Variants in STX4 observed in about 807,000 individuals in gnomAD.
STX4 encodes syntaxin-4.
Under a neutral mutation model 41.8 loss-of-function variants are expected in STX4, and 24 were observed. That is an observed-to-expected ratio of 0.57 (90% confidence interval 0.42 to 0.81). The LOEUF (loss-of-function observed/expected upper bound fraction) is 0.81, where lower values mean the gene tolerates loss of function less well. Ranked by LOEUF, STX4 falls within the 30% of genes least tolerant of loss-of-function variation. The pLI, the probability that STX4 is intolerant of heterozygous loss-of-function variation, is 0.00. For missense variants in STX4, 316 were observed against 389.9 expected, an observed-to-expected ratio of 0.81 and a Z score of 1.60; for synonymous variants, 158 against 156.4, an observed-to-expected ratio of 1.01 and a Z score of -0.08.
chr16:31,038,603 C>T lies in STX4; in HGVS notation c.658C>T (p.Leu220=), dbSNP rs150244231. 6.2e-6 allele frequency: 10 copies of T among 1,614,026 alleles called. No individual in the cohort carries two copies. The highest frequency in any genetic ancestry group is 3.3e-5 in the Admixed American group (2 of 59,988). The change falls in exon 8 of 11, where the codon CTG becomes TTG. Residue 220 remains leucine (L), a synonymous_variant. Transcript: ENST00000313843. ...GCAGCTTGAACGCAGTATTCGTGAGCTGCACGACATATTCACTTTTCTGGC... is the reference window on the plus strand; with the variant it reads ...GCAGCTTGAACGCAGTATTCGTGAGTTGCACGACATATTCACTTTTCTGGC... ...IQQLERSIRE[L]HDIFTFLATE... is the part of the protein sequence containing the mutation.
At position 31,034,001 on chromosome 16, in the gene STX4, CGGGCCTGGCAGG is replaced by C; in HGVS notation, c.31-8_34del. 1 of 1,578,332 alleles carries C rather than the reference CGGGCCTGGCAGG, an allele frequency of 6.3e-7. No homozygotes were observed. Among genetic ancestry groups the C allele is most frequent in the Non-Finnish European group, 8.6e-7 (1 of 1,159,434 alleles). Reference sequence around the variant, plus strand: ...AGCGAAACGGTGGTGCCAATGACTCCGGGCCTGGCAGGGGGATGACAGCTCGGACGAAGAGGA... The same window carrying C: ...AGCGAAACGGTGGTGCCAATGACTCCGGGATGACAGCTCGGACGAAGAGGA... On this transcript the variant is annotated splice_acceptor_variant and splice_polypyrimidine_tract_variant and coding_sequence_variant and intron_variant, in exon 2 of 11. Transcript: ENST00000313843. LOFTEE classifies it high-confidence loss of function.
Position 31,038,134 on chromosome 16 carries a change from G to A in STX4, c.508G>A (p.Asp170Asn). Residue 170 changes from aspartate to asparagine, a missense_variant, in exon 7 of 11, where the codon GAT (aspartate) becomes AAT (asparagine). Transcript: ENST00000313843. ...CACAGCCAATGCTGGGATGGTGTCTGATGAGGAGTTGGAGCAGATGCTGGA... is the reference window on the plus strand; with the variant it reads ...CACAGCCAATGCTGGGATGGTGTCTAATGAGGAGTTGGAGCAGATGCTGGA... ...LKITNAGMVS[D>N]EELEQMLDSG... 6.2e-7 allele frequency: 1 copy of A among 1,614,152 alleles called. No individual in the cohort carries two copies. Among genetic ancestry groups the A allele is most frequent in the Non-Finnish European group, 8.5e-7 (1 of 1,180,018 alleles).
Position 31,037,967 on chromosome 16 carries a change from G to A in STX4, c.420G>A (p.Lys140=). Residue 140 remains lysine, a synonymous_variant, in exon 6 of 11, where the codon AAG becomes AAA. Transcript: ENST00000313843. ...LSQQFVELIN[K]CNSMQSEYRE... The stretch of plus-strand genomic sequence containing the variant: ...AGCAATTCGTGGAGCTCATCAACAA[G>A]TGCAATTCAATGCAGTCCGAATACC... 1 of 1,614,188 alleles carries A rather than the reference G, an allele frequency of 6.2e-7. No individual in the cohort carries two copies. Among genetic ancestry groups the A allele is most frequent in the Non-Finnish European group, 8.5e-7 (1 of 1,180,026 alleles).
intron 5 of STX4, among the ~76,000 whole-genome samples, chr16:31,037,275 G>A (rs978578170): frequency 6.6e-6 from 1 of 151,236 alleles, no homozygotes; most frequent in Non-Finnish European, 1.5e-5. Context: ...CGTTGGCCAG[G>A]CTGGTCTTGA....
In STX4 at chr16:31,038,200, C is replaced by G. The variant is rs576799969; in HGVS notation, c.564+10C>G. ...GGTGTTTGTGTCCAATGTGAGTGGCCACAGCCAGCCCCTCTCTGCTGTGCC... is the reference window on the plus strand; with the variant it reads ...GGTGTTTGTGTCCAATGTGAGTGGCGACAGCCAGCCCCTCTCTGCTGTGCC... On this transcript the variant is annotated intron_variant, in intron 7 of 10. Transcript: ENST00000313843. The G allele has an allele frequency of 1.9e-6, 3 of 1,613,628 alleles. No homozygotes were observed. The African/African-American group carries it at 4.0e-5, about 22-fold the overall frequency.
At chr16:31,038,423 T>C in intron 7 of STX4, 87 bp from the exon 8 acceptor site, 1 of 1,568,864 alleles carries the variant, frequency 6.4e-7, no homozygotes, top group Non-Finnish European at 8.7e-7. Context: ...GATTCCAGGC[T>C]GAGGGCTCCC....
At position 31,039,470 on chromosome 16, in the gene STX4, T is replaced by A. The variant is rs2056827226; in HGVS notation, c.703-71T>A. On this transcript the variant is annotated intron_variant, in intron 8 of 10. Coordinates refer to ENST00000313843, the MANE Select transcript of STX4 (RefSeq NM_004604.5). This position sits in a 1 kb window ranked among gnomAD's most constrained non-coding sequence, Gnocchi z 4.1. ...CAATTTTTTTTTCCTGCCAGGAATG[T>A]TCTTCAGTCATCTGGGGTGGGGTGG... 6.6e-7 allele frequency: 1 copy of A among 1,504,644 alleles called. No individual in the cohort carries two copies. Among genetic ancestry groups the A allele is most frequent in the Non-Finnish European group, 9.1e-7 (1 of 1,093,910 alleles). The allele number at this position is 1,504,644 out of a possible 1,614,324, so 93.2% of individuals were successfully genotyped here.
In STX4 at chr16:31,038,036, T is replaced by G; in HGVS notation, c.487+2T>G. 6.2e-7 allele frequency: 1 copy of G among 1,614,176 alleles called. No individual in the cohort carries two copies. Among genetic ancestry groups the G allele is most frequent in the Non-Finnish European group, 8.5e-7 (1 of 1,180,014 alleles). On this transcript the variant is annotated splice_donor_variant, in intron 6 of 10. Transcript: ENST00000313843. LOFTEE classifies it high-confidence loss of function. ...GGATTCGGAGGCAGCTGAAGATCAG[T>G]GAGTTGTGCATGCCCAGCCTGGCCC... is the stretch of plus-strand genomic sequence containing the variant.
At chr16:31,034,692 C>A in intron 4 of STX4, 156 bp downstream of exon 4, 1 of 843,010 alleles carries the variant, frequency 1.2e-6, no homozygotes, top group Non-Finnish European at 1.8e-6. Context: ...GGCCATTGTA[C>A]TCTCCACAGC....
In STX4 at chr16:31,039,504, A is replaced by G; in HGVS notation, c.703-37A>G. The G allele has an allele frequency of 6.2e-7, 1 of 1,601,894 alleles. No homozygotes were observed. Among genetic ancestry groups the G allele is most frequent in the African/African-American group, 1.3e-5 (1 of 74,802 alleles). On this transcript the variant is annotated intron_variant, in intron 8 of 10. Transcript: ENST00000313843. The surrounding 1 kb of genome is among the most constrained non-coding windows in gnomAD (Gnocchi z 4.1). Reference sequence around the variant, plus strand: ...CATCTGGGGTGGGGTGGGCAAAGGCATCCTTACCTCCCTGAACCACCCCAT... The same window carrying G: ...CATCTGGGGTGGGGTGGGCAAAGGCGTCCTTACCTCCCTGAACCACCCCAT...
Position 31,039,332 on chromosome 16 carries a change from T to C in STX4, c.703-209T>C. 1.8e-6 allele frequency: 1 copy of C among 560,502 alleles called. No individual in the cohort carries two copies. Among genetic ancestry groups the C allele is most frequent in the South Asian group, 2.1e-5 (1 of 48,096 alleles). The allele number at this position is 560,502 out of a possible 1,614,324, so 34.7% of individuals were successfully genotyped here. On this transcript the variant is annotated intron_variant, in intron 8 of 10. Coordinates refer to ENST00000313843, the MANE Select transcript of STX4 (RefSeq NM_004604.5). This position sits in a 1 kb window ranked among gnomAD's most constrained non-coding sequence, Gnocchi z 4.1. ...AAGCTACCACTGCAGATAGAGGTTG[T>C]ATGGGATAAGTGAGCAGGGGACAAG...
At position 31,033,705 on chromosome 16, in the gene STX4, C is replaced by A; in HGVS notation, c.-101C>A. The A allele has an allele frequency of 7.0e-7, 1 of 1,437,280 alleles. No homozygotes were observed. Among genetic ancestry groups the A allele is most frequent in the Non-Finnish European group, 9.1e-7 (1 of 1,096,184 alleles). 89.0% of individuals were successfully genotyped at this position (1,437,280 alleles called of 1,614,324 possible). A position where few individuals can be genotyped will look rare whatever the true frequency, so the allele number is the denominator to read the frequency against. ...CGGCTCGTGGGGGTGTTGGGGTCCG[C>A]AGGGGGAGGGAGGGGAGTGTCAGAG... is the stretch of plus-strand genomic sequence containing the variant. On this transcript the variant is annotated 5_prime_UTR_variant, in exon 1 of 11. Coordinates refer to ENST00000313843, the MANE Select transcript of STX4 (RefSeq NM_004604.5). This position sits in a 1 kb window ranked among gnomAD's most constrained non-coding sequence, Gnocchi z 5.5.
In STX4 at chr16:31,037,963, A is replaced by G. The variant is rs1358538375; in HGVS notation, c.416A>G (p.Asn139Ser). The change falls in exon 6 of 11, where the codon AAC (asparagine) becomes AGC (serine). Residue 139 changes from asparagine (N) to serine (S), a missense_variant. Physicochemically the swap from Asn to Ser is conservative, Grantham distance 46 (BLOSUM62 1). Transcript: ENST00000313843. ...TCCCAGCAATTCGTGGAGCTCATCAACAAGTGCAATTCAATGCAGTCCGAA... is the reference window on the plus strand; with the variant it reads ...TCCCAGCAATTCGTGGAGCTCATCAGCAAGTGCAATTCAATGCAGTCCGAA... ...VLSQQFVELI[N>S]KCNSMQSEYR... 1.2e-6 allele frequency: 2 copies of G among 1,614,172 alleles called. No individual in the cohort carries two copies.
chr16:31,038,267 G>A, intron 7 of STX4, 77 bp downstream of exon 7: 2 of 1,565,360 alleles, frequency 1.3e-6, no homozygotes, highest in Non-Finnish European at 1.7e-6. Flanking sequence ...GACCTCCTGG[G>A]CTCAGGTGAT....
chr16:31,038,124 G>C lies in STX4; in HGVS notation c.498G>C (p.Gly166=). The change falls in exon 7 of 11, where the codon GGG becomes GGC. Residue 166 remains glycine, a synonymous_variant. Transcript: ENST00000313843. ...CCTTTTCCTTCACAGCCAATGCTGGGATGGTGTCTGATGAGGAGTTGGAGC... is the reference window on the plus strand; with the variant it reads ...CCTTTTCCTTCACAGCCAATGCTGGCATGGTGTCTGATGAGGAGTTGGAGC... ...IRRQLKITNA[G]MVSDEELEQM... 6.2e-7 allele frequency: 1 copy of C among 1,614,166 alleles called. No individual in the cohort carries two copies. Among genetic ancestry groups the C allele is most frequent in the East Asian group, 2.2e-5 (1 of 44,888 alleles).
upstream of STX4, chr16:31,033,505 A>T: frequency 6.4e-7 from 1 of 1,550,620 alleles, no homozygotes; most frequent in Non-Finnish European, 8.7e-7. The surrounding 1 kb of genome is among the most constrained non-coding windows in gnomAD (Gnocchi z 5.5). Context: ...GCCTCGGGCA[A>T]GGAAGAGACG....
chr16:31,035,031 A>T lies in STX4; in HGVS notation c.369A>T (p.Arg123Ser), dbSNP rs751049136. 65 of 1,608,536 alleles carry T rather than the reference A, an allele frequency of 4.0e-5. No homozygotes were observed. Among genetic ancestry groups the T allele is most frequent in the Non-Finnish European group, 1.7e-6 (2 of 1,178,406 alleles). ...ENYNSVNTRM[R>S]KTQHGVLSQQ... Reference sequence around the variant, plus strand: ...ATAACTCCGTCAACACAAGAATGAGAAAAACCCAGGTGGGTTTTTTTTCTC... The same window carrying T: ...ATAACTCCGTCAACACAAGAATGAGTAAAACCCAGGTGGGTTTTTTTTCTC... Residue 123 changes from arginine (R) to serine (S), a missense_variant, in exon 5 of 11, where the codon AGA becomes AGT. Physicochemically the swap from Arg to Ser is moderately radical, Grantham distance 110. Coordinates refer to ENST00000313843, the MANE Select transcript of STX4 (RefSeq NM_004604.5).
chr16:31,034,633 TC>T, intron 4 of STX4, 97 bp downstream of exon 4: 1 of 1,350,544 alleles, frequency 7.4e-7, no homozygotes, highest in Non-Finnish European at 9.9e-7. Flanking sequence ...CAGTGATATA[TC>T]CAGGTCACAC....
At chr16:31,035,513 A>C (rs2056793073) in intron 5 of STX4, among the ~76,000 whole-genome samples, 2 of 151,958 alleles carry the variant, frequency 1.3e-5, no homozygotes, top group African/African-American at 4.8e-5. Flanking sequence ...GGCGTGAGCC[A>C]CCATGCCCAG....
Sources: allele counts gnomAD v4.1 joint callset (sites outside exome capture counted in the v4.1 genomes callset), GRCh38; gene constraint gnomAD v4.1.1; non-coding constraint Gnocchi (gnomAD v3.1); transcripts MANE v1.5; gene names NCBI Gene and HGNC (gene_info 2026-07-23, HGNC 2026-07-21).